DLG2: variants seen among roughly 807,000 people sequenced by gnomAD.
DLG2 encodes the protein disks large homolog 2.
A neutral mutation model predicts 132.5 loss-of-function variants in DLG2; 45 were observed. That is an observed-to-expected ratio of 0.34 (90% CI 0.27 to 0.44). The LOEUF (loss-of-function observed/expected upper bound fraction) is 0.44, where lower values mean the gene tolerates loss of function less well. Among genes scored for constraint, DLG2 ranks in the 20% least tolerant of loss-of-function variants. The pLI is 1.00. For synonymous variants in DLG2, 424 were observed against 419.6 expected (o/e 1.01, Z -0.13); for missense variants, 1,045 against 1,196.9 (o/e 0.87, Z 1.87).
chr11:85,468,359 G>C (rs1008640351), intron 3 of DLG2, among the ~76,000 whole-genome samples: 1 of 152,114 alleles, frequency 6.6e-6, no homozygotes, highest in South Asian at 2.1e-4. Context: ...GCTAGCTTTT[G>C]AATGTGTTTG....
At chr11:85,098,164 C>G (rs914522090) in intron 6 of DLG2, among the ~76,000 whole-genome samples, 1 of 152,128 alleles carries the variant, frequency 6.6e-6, no homozygotes, top group Non-Finnish European at 1.5e-5. Flanking sequence ...AAGACATTTC[C>G]TAAATTAAGT....
At chr11:85,179,348 G>A (rs1436584164) in intron 4 of DLG2, among the ~76,000 whole-genome samples, 1 of 151,666 alleles carries the variant, frequency 6.6e-6, no homozygotes, top group Non-Finnish European at 1.5e-5. Flanking sequence ...AATAAACTCA[G>A]AGGAATATCT....
chr11:85,506,698 T>C (rs1324035706), intron 3 of DLG2, among the ~76,000 whole-genome samples: 1 of 152,196 alleles, frequency 6.6e-6, no homozygotes, highest in Non-Finnish European at 1.5e-5. Context: ...ATTCTGTTGA[T>C]TTGGGGTGGA....
chr11:84,350,666 T>A (rs918481787), intron 7 of DLG2, among the ~76,000 whole-genome samples: 2 of 152,208 alleles, frequency 1.3e-5, no homozygotes, highest in Non-Finnish European at 2.9e-5. Context: ...AATAAATGTT[T>A]CCTAATGTTG....
chr11:83,633,408 C>A, intron 18 of DLG2, 83 bp from the exon 19 acceptor site: 1 of 1,131,566 alleles, frequency 8.8e-7, no homozygotes, highest in Non-Finnish European at 1.3e-6. Flanking sequence ...AGCCCCTCAC[C>A]CACGTTGTTG....
intron 3 of DLG2, among the ~76,000 whole-genome samples, chr11:85,434,011 G>A (rs767267097): frequency 6.6e-6 from 1 of 151,798 alleles, no homozygotes; most frequent in Non-Finnish European, 1.5e-5. Context: ...AGGATTAAGA[G>A]TTCTAACTCA....
intron 6 of DLG2, among the ~76,000 whole-genome samples, chr11:84,983,914 A>G (rs1321400640): frequency 3.3e-5 from 5 of 152,152 alleles, no homozygotes; most frequent in African/African-American, 1.2e-4. Context: ...GCTCAAAGAC[A>G]AGGTTTTTGA....
intron 3 of DLG2, among the ~76,000 whole-genome samples, chr11:85,381,532 T>C (rs907343651): frequency 2.6e-5 from 4 of 151,998 alleles, no homozygotes; most frequent in Non-Finnish European, 5.9e-5. Flanking sequence ...ATCAAAGTCA[T>C]CTAGACTGAA....
At chr11:84,535,214 G>A (rs1299749128) in intron 6 of DLG2, among the ~76,000 whole-genome samples, 1 of 152,112 alleles carries the variant, frequency 6.6e-6, no homozygotes, top group Non-Finnish European at 1.5e-5. Context: ...TTTGAAATGA[G>A]GAAAAAATTT....
chr11:84,367,475 C>T (rs577452160), intron 7 of DLG2, among the ~76,000 whole-genome samples: 3 of 152,184 alleles, frequency 2.0e-5, no homozygotes, highest in East Asian at 3.9e-4. Flanking sequence ...GAAGTCTCGA[C>T]GGCTGTGTGC....
intron 19 of DLG2, among the ~76,000 whole-genome samples, chr11:83,604,783 A>G (rs944902399): frequency 1.5e-4 from 23 of 152,086 alleles, no homozygotes; most frequent in African/African-American, 5.1e-4. Flanking sequence ...CTTCCTCTCA[A>G]TTTTGCTGTG....
rs1594963930 is a variant in DLG2 at position 85,162,826 on chromosome 11, G to A, written c.187-8175C>T. 4.6e-5 allele frequency among the ~76,000 whole-genome samples: 7 copies of A among 152,226 alleles called. No homozygotes were observed. In the South Asian group the frequency reaches 1.5e-3, roughly 32 times the overall value. On this transcript the variant is annotated intron_variant, in intron 4 of 27. Transcript: ENST00000376104. Reference sequence around the variant, plus strand: ...AGTTGACAAGGGGTGGACTTGTGATGGTTAATACTGAGTGTCAACTTAATT... The same window carrying A: ...AGTTGACAAGGGGTGGACTTGTGATAGTTAATACTGAGTGTCAACTTAATT...
At chr11:84,967,325 C>G (rs2053487778) in intron 6 of DLG2, among the ~76,000 whole-genome samples, 2 of 152,058 alleles carry the variant, frequency 1.3e-5, no homozygotes, top group African/African-American at 2.4e-5. Flanking sequence ...AAATTACTCA[C>G]TAAGAAATGG....
intron 6 of DLG2, among the ~76,000 whole-genome samples, chr11:85,083,960 G>C (rs780722249): frequency 1.1e-4 from 16 of 152,012 alleles, no homozygotes; most frequent in Admixed American, 2.0e-4. Flanking sequence ...CAAGAAAAAG[G>C]GTCCATTCAG....
intron 6 of DLG2, among the ~76,000 whole-genome samples, chr11:85,091,688 A>G (rs1289431811): frequency 6.6e-6 from 1 of 152,218 alleles, no homozygotes; most frequent in African/African-American, 2.4e-5. Flanking sequence ...TTTTGTCTCA[A>G]AAAAACACTT....
chr11:83,809,799 G>A (rs569217775), intron 17 of DLG2, among the ~76,000 whole-genome samples: 1 of 152,224 alleles, frequency 6.6e-6, no homozygotes, highest in East Asian at 1.9e-4. Context: ...ACAAAATACG[G>A]GTTGAAGAAG....
chr11:83,908,057 C>T (rs811540), intron 15 of DLG2, among the ~76,000 whole-genome samples: 12,102 of 152,212 alleles, frequency 0.08, 677 homozygotes, highest in Non-Finnish European at 0.12. Flanking sequence ...ATTCAAGTAC[C>T]TGCAACATTG....
In DLG2 at chr11:83,532,695, A is replaced by G; in HGVS notation, c.2193+13T>C. 1.2e-6 allele frequency: 2 copies of G among 1,611,904 alleles called. No homozygotes were observed. Among genetic ancestry groups the G allele is most frequent in the Non-Finnish European group, 1.7e-6 (2 of 1,178,362 alleles). On this transcript the variant is annotated intron_variant, in intron 21 of 27. Transcript: ENST00000376104. ...ACTGAGAGAACTTGATGTTTCCATC[A>G]TTTTGTACCTACCCCTTTCGAATCA...
At chr11:83,530,610 A>T (rs563131782) in intron 21 of DLG2, among the ~76,000 whole-genome samples, 2 of 152,158 alleles carry the variant, frequency 1.3e-5, no homozygotes, top group East Asian at 1.9e-4. Flanking sequence ...GAATAGATTT[A>T]AAAAATCTAT....
Sources: allele counts gnomAD v4.1 joint callset (sites outside exome capture counted in the v4.1 genomes callset), GRCh38; gene constraint gnomAD v4.1.1; transcripts MANE v1.5; gene names NCBI Gene and HGNC (gene_info 2026-07-23, HGNC 2026-07-21).